Variants in OBI1 observed in about 807,000 individuals in gnomAD.
OBI1 encodes ORC ubiquitin ligase 1.
OBI1 carries 59 observed loss-of-function variants against 62.4 expected under a neutral mutation model. The ratio of observed to expected loss-of-function variants is 0.95; its 90% CI spans 0.77 to 1.17. The LOEUF is 1.17. Among genes scored for constraint, OBI1 ranks in the 50% most tolerant of loss-of-function variants. The pLI, the probability that OBI1 is intolerant of heterozygous loss-of-function variation, is 0.00. For synonymous variants in OBI1, 302 were observed against 292.8 expected (o/e 1.03, Z -0.32); for missense variants, 875 against 830.9 (o/e 1.05, Z -0.65).
intron 2 of OBI1, among the ~76,000 whole-genome samples, chr13:78,643,762 T>C (rs2137459862): frequency 6.6e-6 from 1 of 152,118 alleles, no homozygotes; most frequent in African/African-American, 2.4e-5. Context: ...CACTCCAGCC[T>C]GGGTAACAAG....
intron 4 of OBI1, among the ~76,000 whole-genome samples, 195 bp downstream of exon 4, chr13:78,638,628 C>T (rs1220587018): frequency 6.6e-6 from 1 of 152,134 alleles, no homozygotes; most frequent in African/African-American, 2.4e-5. Context: ...CACATGGAAC[C>T]ACCTGATATT....
At chr13:78,630,584 G>A (rs974488703) in intron 5 of OBI1, among the ~76,000 whole-genome samples, 1 of 151,994 alleles carries the variant, frequency 6.6e-6, no homozygotes, top group African/African-American at 2.4e-5. Flanking sequence ...AGGGCTTCTG[G>A]GGCCTATAGG....
Position 78,616,308 on chromosome 13 carries a change from C to T in OBI1, c.1453G>A (p.Gly485Arg), listed in dbSNP as rs1287092636. Reference sequence around the variant, plus strand: ...CCAACAGAATTTGCTATCGTGTTCCCCTCTGAACTTTCAAAATCTAAGTTT... The same window carrying T: ...CCAACAGAATTTGCTATCGTGTTCCTCTCTGAACTTTCAAAATCTAAGTTT... ...AQNLDFESSE[G>R]NTIANSVGEI... The change falls in exon 6 of 6, where the codon GGG becomes AGG. Residue 485 changes from glycine to arginine, a missense_variant. By Grantham distance (125) the Gly-to-Arg change is moderately radical (BLOSUM62 -2). Coordinates refer to ENST00000282003, the MANE Select transcript of OBI1 (RefSeq NM_024546.4). 4 of 1,613,938 alleles carry T rather than the reference C, an allele frequency of 2.5e-6. No individual in the cohort carries two copies. In the African/African-American group the frequency reaches 4.0e-5, roughly 16 times the overall value.
intron 5 of OBI1, among the ~76,000 whole-genome samples, chr13:78,633,347 A>C (rs1004931307): frequency 3.3e-5 from 5 of 152,194 alleles, no homozygotes; most frequent in Admixed American, 6.5e-5. Context: ...TTGGTTAGTT[A>C]TCTCTGCCTC....
intron 1 of OBI1, among the ~76,000 whole-genome samples, chr13:78,654,595 T>G (rs1436631054): frequency 6.6e-6 from 1 of 152,178 alleles, no homozygotes; most frequent in Non-Finnish European, 1.5e-5. Flanking sequence ...AGCCCTATAT[T>G]TTCAATATTT....
intron 5 of OBI1, among the ~76,000 whole-genome samples, chr13:78,630,546 G>T (rs914397712): frequency 6.6e-6 from 1 of 152,110 alleles, no homozygotes; most frequent in Non-Finnish European, 1.5e-5. Flanking sequence ...AGGGCCAATA[G>T]GAGGTGATGG....
At chr13:78,635,071 A>G in intron 5 of OBI1, 39 bp downstream of exon 5, 1 of 1,232,960 alleles carries the variant, frequency 8.1e-7, no homozygotes, top group South Asian at 1.3e-5. Flanking sequence ...TAAAATATTG[A>G]CATAATCTGA....
At chr13:78,639,200 T>A in intron 3 of OBI1, 129 bp from the exon 4 acceptor site, 1 of 900,054 alleles carries the variant, frequency 1.1e-6, no homozygotes. Context: ...TCTTTACATA[T>A]CAAAAGAGTT....
rs751741200 is a variant in OBI1, at chr13:78,659,064, G to A, written c.57C>T (p.His19=). The A allele has an allele frequency of 5.0e-6, 8 of 1,613,028 alleles. No individual in the cohort carries two copies. Among genetic ancestry groups the A allele is most frequent in the Non-Finnish European group, 6.8e-6 (8 of 1,179,724 alleles). ...CACCCATTACCTTCCCCAAGCAAAT[G>A]TGGCACGTGATGGGCAGAGTGAGCG... ...TLSLTLPITC[H]ICLGKVRQPV... is the part of the protein sequence containing the mutation. The change falls in exon 1 of 6, where the codon CAC becomes CAT. Residue 19 remains histidine, a synonymous_variant. Transcript: ENST00000282003.
At position 78,616,128 on chromosome 13, in the gene OBI1, T is replaced by C. The variant is rs1200057466; in HGVS notation, c.1633A>G (p.Met545Val). The change falls in exon 6 of 6, where the codon ATG becomes GTG. Residue 545 changes from methionine to valine, a missense_variant. Met to Val is a conservative substitution (Grantham distance 21). Coordinates refer to ENST00000282003, the MANE Select transcript of OBI1 (RefSeq NM_024546.4). ...LDKISELDSM[M>V]SESDNSKSPC... is the part of the protein sequence containing the mutation. ...CTCTTGCTGTTGTCTGACTCTGACA[T>C]CATTGAATCCAACTCAGAGATTTTG... The C allele has an allele frequency of 6.2e-7, 1 of 1,614,166 alleles. No homozygotes were observed.
chr13:78,618,742 C>T (rs1046535262), intron 5 of OBI1, among the ~76,000 whole-genome samples: 1 of 152,094 alleles, frequency 6.6e-6, no homozygotes, highest in Non-Finnish European at 1.5e-5. Flanking sequence ...AAAACAAAAG[C>T]AACTATAATA....
At chr13:78,620,769 C>T (rs961466679) in intron 5 of OBI1, 13 of 398,716 alleles carry the variant, frequency 3.3e-5, no homozygotes, top group African/African-American at 2.1e-5. Context: ...ACAAAAAGTT[C>T]CTAAGACCAT....
chr13:78,635,906 G>T (rs918424816), intron 4 of OBI1, among the ~76,000 whole-genome samples: 2 of 152,124 alleles, frequency 1.3e-5, no homozygotes, highest in Non-Finnish European at 2.9e-5. Context: ...GGGACTACAG[G>T]CATGTGCCAC....
intron 5 of OBI1, among the ~76,000 whole-genome samples, chr13:78,623,304 C>T (rs1274156021): frequency 6.7e-6 from 1 of 148,212 alleles, no homozygotes; most frequent in African/African-American, 2.5e-5. Context: ...GAACTTTTGG[C>T]TGGAATTTAC....
chr13:78,633,279 G>A (rs1875910326), intron 5 of OBI1, among the ~76,000 whole-genome samples: 1 of 152,130 alleles, frequency 6.6e-6, no homozygotes, highest in Non-Finnish European at 1.5e-5. Flanking sequence ...AAGAAAAACG[G>A]GGTTGGAGAG....
At chr13:78,658,854 C>A (rs963035935) in intron 1 of OBI1, among the ~76,000 whole-genome samples, 195 bp downstream of exon 1, 1 of 152,164 alleles carries the variant, frequency 6.6e-6, no homozygotes, top group Non-Finnish European at 1.5e-5. Flanking sequence ...CCGAAAGGCG[C>A]CCAGATGAAT....
At chr13:78,639,759 G>A (rs1487853274) in intron 3 of OBI1, among the ~76,000 whole-genome samples, 3 of 147,042 alleles carry the variant, frequency 2.0e-5, no homozygotes, top group Non-Finnish European at 4.5e-5. Context: ...ACCAAACACC[G>A]CATATTCTCA....
At position 78,615,577 on chromosome 13, in the gene OBI1, G is replaced by A. The variant is rs369442665; in HGVS notation, c.*3C>T. The stretch of plus-strand genomic sequence containing the variant: ...AAACCACAAATGACACCTTTCTAAT[G>A]AGTCAACTTTTAGTTGCTTTTGATG... On this transcript the variant is annotated 3_prime_UTR_variant, in exon 6 of 6. Transcript: ENST00000282003. The A allele has an allele frequency of 3.4e-5, 53 of 1,580,742 alleles. No homozygotes were observed. Among genetic ancestry groups the A allele is most frequent in the Non-Finnish European group, 4.1e-5 (48 of 1,165,814 alleles).
intron 5 of OBI1, among the ~76,000 whole-genome samples, chr13:78,627,171 T>C (rs970195840): frequency 4.6e-5 from 7 of 152,102 alleles, no homozygotes; most frequent in Non-Finnish European, 1.0e-4. Context: ...AGGTAGGCTA[T>C]AGAGAACATA....
Sources: allele counts gnomAD v4.1 joint callset (sites outside exome capture counted in the v4.1 genomes callset), GRCh38; gene constraint gnomAD v4.1.1; transcripts MANE v1.5; gene names NCBI Gene and HGNC (gene_info 2026-07-23, HGNC 2026-07-21).